NPPA: variants seen among roughly 807,000 people sequenced by gnomAD.
The protein encoded by NPPA is natriuretic peptides A.
Under a neutral mutation model 12.2 loss-of-function variants are expected in NPPA, and 10 were observed. That is an observed-to-expected ratio of 0.82 (90% confidence interval 0.50 to 1.38). The LOEUF is 1.38. Among genes scored for constraint, NPPA ranks in the 40% most tolerant of loss-of-function variants. The pLI, the probability that NPPA is intolerant of heterozygous loss-of-function variation, is 0.00. For synonymous variants in NPPA, 85 were observed against 80.2 expected (o/e 1.06, Z -0.32); for missense variants, 207 against 193.5 (o/e 1.07, Z -0.41).
At chr1:11,846,987 T>TG in intron 2 of NPPA, 126 bp downstream of exon 2, 2 of 611,696 alleles carry the variant, frequency 3.3e-6, no homozygotes, top group South Asian at 4.6e-5. Context: ...CTGACACCCA[T>TG]GGGGCACTCT....
At position 11,845,961 on chromosome 1, in the gene NPPA, C is replaced by T; in HGVS notation, c.*48G>A. The T allele has an allele frequency of 3.1e-6, 5 of 1,596,814 alleles. No individual in the cohort carries two copies. Among genetic ancestry groups the T allele is most frequent in the African/African-American group, 2.7e-5 (2 of 74,610 alleles). Reference sequence around the variant, plus strand: ...GACCCCAGGGGACAGGAGCCTCTTGCAGTCTGTCCCTAGGCCCAGCCCTGC... The same window carrying T: ...GACCCCAGGGGACAGGAGCCTCTTGTAGTCTGTCCCTAGGCCCAGCCCTGC... On this transcript the variant is annotated 3_prime_UTR_variant, in exon 3 of 3. Transcript: ENST00000376480.
intron 1 of NPPA, 27 bp from the exon 2 acceptor site, chr1:11,847,466 G>A: frequency 6.2e-7 from 1 of 1,614,026 alleles, no homozygotes. Flanking sequence ...TACAGGGAAA[G>A]GGATAAACCT....
In NPPA at chr1:11,847,195, C is replaced by T. The variant is rs1278439312; in HGVS notation, c.368G>A (p.Arg123Gln). The change falls in exon 2 of 3, where the codon CGG becomes CAG. Residue 123 changes from arginine to glutamine, a missense_variant. Physicochemically the swap from Arg to Gln is conservative, Grantham distance 43. Transcript: ENST00000376480. ...GAAGCAGCTGGATCTCCGCAGGCTC[C>T]GAGGGGCAGTGAGCAGCGCCCTCAG... is the stretch of plus-strand genomic sequence containing the variant. Reference protein sequence around the residue: ...SKLRALLTAPRSLRRSSCFGG... With the variant: ...SKLRALLTAPQSLRRSSCFGG... 1.2e-5 allele frequency: 19 copies of T among 1,606,600 alleles called. No individual in the cohort carries two copies. The highest frequency in any genetic ancestry group is 4.5e-5 in the East Asian group (2 of 44,640).
chr1:11,845,873 A>G lies in NPPA; in HGVS notation c.*136T>C. On this transcript the variant is annotated 3_prime_UTR_variant, in exon 3 of 3. Coordinates refer to ENST00000376480, the MANE Select transcript of NPPA (RefSeq NM_006172.4). Reference sequence around the variant, plus strand: ...ATAAGATGTGAGAAGTGTTGACAGGAAGCTGCAGCTTAGATGGGATGATCA... The same window carrying G: ...ATAAGATGTGAGAAGTGTTGACAGGGAGCTGCAGCTTAGATGGGATGATCA... The G allele has an allele frequency of 1.2e-6, 1 of 866,658 alleles. No homozygotes were observed. The highest frequency in any genetic ancestry group is 2.4e-5 in the East Asian group (1 of 41,344). 53.7% of individuals were successfully genotyped at this position (866,658 alleles called of 1,614,324 possible).
At chr1:11,846,118 C>A (rs113234178) in intron 2 of NPPA, 104 bp from the exon 3 acceptor site, 7 of 1,171,930 alleles carry the variant, frequency 6.0e-6, no homozygotes, top group African/African-American at 4.5e-5. Context: ...TTACTGACCA[C>A]CTGCTTCCCA....
chr1:11,847,012 A>C (rs1021966084), intron 2 of NPPA, 101 bp downstream of exon 2: 1 of 1,119,390 alleles, frequency 8.9e-7, no homozygotes, highest in African/African-American at 1.6e-5. Context: ...GTTGGGGCAG[A>C]AACTTGAGAG....
rs988950618 is a variant in NPPA, at chr1:11,846,677, G to A, written c.450+436C>T. Among the ~76,000 whole-genome samples the A allele has an allele frequency of 5.5e-5, 8 of 145,538 alleles. No homozygotes were observed. In the East Asian group the frequency reaches 7.9e-4, roughly 14 times the overall value. The stretch of plus-strand genomic sequence containing the variant: ...ATCACCTAGGCTGGACTGCAGTGGC[G>A]TGATCTCTGCTCACTGCAACCTCTG... On this transcript the variant is annotated intron_variant, in intron 2 of 2. Coordinates refer to ENST00000376480, the MANE Select transcript of NPPA (RefSeq NM_006172.4).
chr1:11,846,088 T>C, intron 2 of NPPA, 74 bp from the exon 3 acceptor site: 1 of 1,495,328 alleles, frequency 6.7e-7, no homozygotes, highest in Non-Finnish European at 9.3e-7. Context: ...TGTATGAGTG[T>C]GCCCATCCTC....
intron 2 of NPPA, among the ~76,000 whole-genome samples, chr1:11,846,635 T>TTTTTTTTTTTA (rs1557442339): frequency 6.9e-6 from 1 of 144,406 alleles, no homozygotes; most frequent in African/African-American, 2.7e-5. Flanking sequence ...TTTTTTTTTT[T>TTTTTTTTTTTA]GAGACAGTCT....
rs138410047 is a variant in NPPA at position 11,847,624 on chromosome 1, C to A, written c.61G>T (p.Gly21Cys). The A allele has an allele frequency of 3.7e-6, 6 of 1,613,938 alleles. No individual in the cohort carries two copies. The African/African-American group carries it at 8.0e-5, about 22-fold the overall frequency. The change falls in exon 1 of 3, where the codon GGT (glycine) becomes TGT (cysteine). Residue 21 changes from glycine (G) to cysteine (C), a missense_variant. Gly to Cys is a radical substitution (Grantham distance 159, BLOSUM62 -3). Coordinates refer to ENST00000376480, the MANE Select transcript of NPPA (RefSeq NM_006172.4). ...FLLLLAFQLL[G>C]QTRANPMYNA... Reference sequence around the variant, plus strand: ...TACATGGGATTAGCTCTGGTCTGACCTAGGAGCTGGAATGCCAGTAAAAGG... The same window carrying A: ...TACATGGGATTAGCTCTGGTCTGACATAGGAGCTGGAATGCCAGTAAAAGG...
In NPPA at chr1:11,846,635, T is replaced by G. The variant is rs1013470149; in HGVS notation, c.450+478A>C. Among the ~76,000 whole-genome samples the G allele has an allele frequency of 3.5e-5, 5 of 144,512 alleles. 1 individual carries two copies. Among genetic ancestry groups the G allele is most frequent in the African/African-American group, 1.3e-4 (5 of 37,682 alleles). The allele number at this position is 144,512 out of a possible 152,430, so 94.8% of individuals were successfully genotyped here. A position where few individuals can be genotyped will look rare whatever the true frequency, so the allele number is the denominator to read the frequency against. ...GTGCCTGGCCTTTTTTTTTTTTTTT[T>G]GAGACAGTCTCGCTCTATCACCTAG... On this transcript the variant is annotated intron_variant, in intron 2 of 2. Transcript: ENST00000376480.
rs1645074391 is a variant in NPPA at position 11,847,165 on chromosome 1, C to T, written c.398G>A (p.Gly133Asp). 1.9e-6 allele frequency: 3 copies of T among 1,585,896 alleles called. No individual in the cohort carries two copies. Among genetic ancestry groups the T allele is most frequent in the East Asian group, 2.3e-5 (1 of 44,392 alleles). ...CTGGGCTCCAATCCTGTCCATCCTG[C>T]CCCCGAAGCAGCTGGATCTCCGCAG... Reference protein sequence around the residue: ...RSLRRSSCFGGRMDRIGAQSG... With the variant: ...RSLRRSSCFGDRMDRIGAQSG... The change falls in exon 2 of 3, where the codon GGC (glycine) becomes GAC (aspartate). Residue 133 changes from glycine to aspartate, a missense_variant. Coordinates refer to ENST00000376480, the MANE Select transcript of NPPA (RefSeq NM_006172.4).
At chr1:11,846,393 C>T (rs1422640002) in intron 2 of NPPA, among the ~76,000 whole-genome samples, 4 of 146,056 alleles carry the variant, frequency 2.7e-5, no homozygotes, top group Non-Finnish European at 5.9e-5. Context: ...CATCTCTGCT[C>T]ACTGCAAGCT....
chr1:11,847,748 G>A lies in NPPA; in HGVS notation c.-64C>T. ...TGTCTCTCCCCTCTGGTTCCTCTCT[G>A]GTTCCCCTCTCTTGGCCTACGTCTG... is the stretch of plus-strand genomic sequence containing the variant. On this transcript the variant is annotated 5_prime_UTR_variant, in exon 1 of 3. Transcript: ENST00000376480. 1 of 1,611,504 alleles carries A rather than the reference G, an allele frequency of 6.2e-7. No homozygotes were observed. Among genetic ancestry groups the A allele is most frequent in the Non-Finnish European group, 8.5e-7 (1 of 1,179,118 alleles).
intron 2 of NPPA, among the ~76,000 whole-genome samples, chr1:11,846,510 C>T (rs748979474): frequency 2.0e-5 from 3 of 151,414 alleles, no homozygotes; most frequent in South Asian, 2.1e-4. Flanking sequence ...TTAGTAGAGA[C>T]GGGGTTTCAC....
Position 11,847,338 on chromosome 1 carries a change from G to C in NPPA, c.225C>G (p.Ser75Arg). The part of the protein sequence containing the change: ...EPNEEAGAAL[S>R]PLPEVPPWTG... ...TCCAGGGAGGCACCTCAGGGAGGGG[G>C]CTGAGAGCAGCCCCCGCTTCTTCAT... Residue 75 changes from serine to arginine, a missense_variant, in exon 2 of 3, where the codon AGC (serine) becomes AGG (arginine). Physicochemically the swap from Ser to Arg is moderately radical, Grantham distance 110 (BLOSUM62 -1). Coordinates refer to ENST00000376480, the MANE Select transcript of NPPA (RefSeq NM_006172.4). 1 of 1,613,662 alleles carries C rather than the reference G, an allele frequency of 6.2e-7. No individual in the cohort carries two copies. Among genetic ancestry groups the C allele is most frequent in the Middle Eastern group, 1.7e-4 (1 of 6,058 alleles).
At chr1:11,846,211 C>T (rs1570551176) in intron 2 of NPPA, among the ~76,000 whole-genome samples, 197 bp from the exon 3 acceptor site, 1 of 152,110 alleles carries the variant, frequency 6.6e-6, no homozygotes, top group Non-Finnish European at 1.5e-5. Context: ...TTCACTTAAG[C>T]CCTTCAGGAT....
In NPPA at chr1:11,847,100, C is replaced by G; in HGVS notation, c.450+13G>C. ...GTCCATCCCATCCCATTTCCATCCC[C>G]AGTTCCTCTTACCCGGAAGCTGTTA... On this transcript the variant is annotated intron_variant, in intron 2 of 2. Transcript: ENST00000376480. 1 of 1,521,160 alleles carries G rather than the reference C, an allele frequency of 6.6e-7. No individual in the cohort carries two copies. The highest frequency in any genetic ancestry group is 8.8e-7 in the Non-Finnish European group (1 of 1,136,366). The allele number at this position is 1,521,160 out of a possible 1,614,324, so 94.2% of individuals were successfully genotyped here.
At chr1:11,846,371 G>A (rs1488521811) in intron 2 of NPPA, among the ~76,000 whole-genome samples, 2 of 147,028 alleles carry the variant, frequency 1.4e-5, no homozygotes, top group African/African-American at 2.6e-5. Context: ...CCAGGCTGGA[G>A]TGCAGTGGTG....
Sources: allele counts gnomAD v4.1 joint callset (sites outside exome capture counted in the v4.1 genomes callset), GRCh38; gene constraint gnomAD v4.1.1; transcripts MANE v1.5; gene names NCBI Gene and HGNC (gene_info 2026-07-23, HGNC 2026-07-21).